The following MSI2 variants were observed in gnomAD, a reference collection of about 807,000 sequenced individuals.
MSI2 encodes the protein musashi RNA binding protein 2.
In MSI2, 17 loss-of-function variants were observed where a neutral mutation model predicts 45.6. The observed-to-expected ratio is 0.37, with a 90% confidence interval of 0.26 to 0.56. The LOEUF (loss-of-function observed/expected upper bound fraction) is 0.56. Among genes scored for constraint, MSI2 ranks in the 20% least tolerant of loss-of-function variants. MSI2 has a pLI of 0.77. For missense variants in MSI2, 293 were observed against 444.2 expected (o/e 0.66, Z 3.06); for synonymous variants, 156 against 158.2 (o/e 0.99, Z 0.11).
At chr17:57,401,340 C>T in intron 5 of MSI2, 39 bp from the exon 6 acceptor site, 5 of 1,546,912 alleles carry the variant, frequency 3.2e-6, no homozygotes, top group Non-Finnish European at 4.5e-6. Context: ...CTTTAGATAA[C>T]CTGGTTAACC....
chr17:57,569,000 CTTTTAAAAATT>C lies in MSI2; in HGVS notation c.455-27863_455-27853del, dbSNP rs573758017. Among the ~76,000 whole-genome samples, 91 of 151,682 alleles carry C rather than the reference CTTTTAAAAATT, an allele frequency of 6.0e-4. No individual in the cohort carries two copies. The South Asian group carries it at 7.7e-3, about 13-fold the overall frequency. ...GGGAGATTGTTTCCTGTTGTAGCCT[CTTTTAAAAATT>C]TTTTTGACTGTGTCTGGGAGATCAT... On this transcript the variant is annotated intron_variant, in intron 7 of 13. Coordinates refer to ENST00000284073, the MANE Select transcript of MSI2 (RefSeq NM_138962.4).
chr17:57,631,503 T>G lies in MSI2; in HGVS notation c.727+4200T>G. 5.7e-6 allele frequency: 2 copies of G among 353,084 alleles called. 1 individual carries two copies. The highest frequency in any genetic ancestry group is 1.0e-4 in the South Asian group (2 of 19,580). 21.9% of individuals were successfully genotyped at this position (353,084 alleles called of 1,614,324 possible). A position where few individuals can be genotyped will look rare whatever the true frequency, so the allele number is the denominator to read the frequency against. On this transcript the variant is annotated intron_variant, in intron 10 of 13. Coordinates refer to ENST00000284073, the MANE Select transcript of MSI2 (RefSeq NM_138962.4). The stretch of plus-strand genomic sequence containing the variant: ...AAGTGGCACCTGGCTGTGCCCATCT[T>G]CAGAATTCTGTCAGAATAAATGTTC...
intron 5 of MSI2, among the ~76,000 whole-genome samples, chr17:57,271,163 G>A (rs1908322136): frequency 6.6e-6 from 1 of 152,136 alleles, no homozygotes; most frequent in African/African-American, 2.4e-5. Context: ...TGACTGATCT[G>A]AAAGCATCAC....
Position 57,431,914 on chromosome 17 carries a change from G to T in MSI2, c.405+30443G>T, listed in dbSNP as rs578085395. On this transcript the variant is annotated intron_variant, in intron 6 of 13. Coordinates refer to ENST00000284073, the MANE Select transcript of MSI2 (RefSeq NM_138962.4). ...ACCCCCTTGCAGCACAGACTCCACC[G>T]GGCATTTGGCGGCGGTGTGGAATAT... Among the ~76,000 whole-genome samples, 4 of 152,140 alleles carry T rather than the reference G, an allele frequency of 2.6e-5. No homozygotes were observed. The East Asian group carries it at 5.8e-4, about 22-fold the overall frequency.
chr17:57,607,238 G>T (rs751940948), intron 8 of MSI2, among the ~76,000 whole-genome samples: 1 of 152,182 alleles, frequency 6.6e-6, no homozygotes, highest in Non-Finnish European at 1.5e-5. Context: ...TAAACAGTGC[G>T]TGCCTTCCTC....
chr17:57,459,854 C>T (rs2085189842), intron 6 of MSI2, among the ~76,000 whole-genome samples: 1 of 151,814 alleles, frequency 6.6e-6, no homozygotes, highest in South Asian at 2.1e-4. Flanking sequence ...ATTAGCCGGG[C>T]ACGGTGGCTC....
At chr17:57,518,889 G>A (rs1382373662) in intron 6 of MSI2, among the ~76,000 whole-genome samples, 3 of 152,250 alleles carry the variant, frequency 2.0e-5, no homozygotes, top group African/African-American at 7.2e-5. Context: ...TGTGACAGCT[G>A]TCAAGCCTGC....
intron 5 of MSI2, among the ~76,000 whole-genome samples, chr17:57,281,805 A>G (rs113625854): frequency 0.016 from 2,426 of 152,222 alleles, 61 homozygotes; most frequent in African/African-American, 0.055. Flanking sequence ...TTGACTGACA[A>G]CTGCCGAGGC....
chr17:57,549,369 G>A (rs147141759), intron 7 of MSI2, among the ~76,000 whole-genome samples: 224 of 150,304 alleles, frequency 1.5e-3, no homozygotes, highest in Non-Finnish European at 2.6e-3. Context: ...CCCAGCATGG[G>A]CTGCTGTCCG....
In MSI2 at chr17:57,529,665, T is replaced by C; in HGVS notation, c.406-11T>C. The C allele has an allele frequency of 6.2e-7, 1 of 1,612,498 alleles. No homozygotes were observed. ...TCCTAAGGCAGCCTGTATTCTATAT[T>C]TGTTTTGCAGGTGGAAGATGCAATG... On this transcript the variant is annotated splice_polypyrimidine_tract_variant and intron_variant, in intron 6 of 13. Coordinates refer to ENST00000284073, the MANE Select transcript of MSI2 (RefSeq NM_138962.4). This position sits in a 1 kb window ranked among gnomAD's most constrained non-coding sequence, Gnocchi z 5.3.
In MSI2 at chr17:57,683,058, C is replaced by G. The variant is rs1217211238; in HGVS notation, c.*3541C>G. ...GCGCTCTATCCCAGTCGCCCATTAGCTTGATTCAAACAAAGCCCCAGCAGG... is the reference window on the plus strand; with the variant it reads ...GCGCTCTATCCCAGTCGCCCATTAGGTTGATTCAAACAAAGCCCCAGCAGG... On this transcript the variant is annotated 3_prime_UTR_variant, in exon 14 of 14. Coordinates refer to ENST00000284073, the MANE Select transcript of MSI2 (RefSeq NM_138962.4). The surrounding 1 kb of genome is among the most constrained non-coding windows in gnomAD (Gnocchi z 5.2). 4.4e-6 allele frequency: 1 copy of G among 229,758 alleles called. No homozygotes were observed. Among genetic ancestry groups the G allele is most frequent in the Non-Finnish European group, 8.6e-6 (1 of 115,908 alleles). The allele number at this position is 229,758 out of a possible 1,614,324, so 14.2% of individuals were successfully genotyped here.
intron 6 of MSI2, among the ~76,000 whole-genome samples, chr17:57,422,632 C>T (rs1380518090): frequency 1.3e-5 from 2 of 152,234 alleles, no homozygotes; most frequent in Non-Finnish European, 2.9e-5. Context: ...ACTCCAGACC[C>T]ATGCTCATTC....
At chr17:57,666,931 G>T (rs1309291278) in intron 11 of MSI2, among the ~76,000 whole-genome samples, 5 of 152,348 alleles carry the variant, frequency 3.3e-5, no homozygotes, top group African/African-American at 1.2e-4. Context: ...TTTCAGGACT[G>T]AACTAGGAGA....
At chr17:57,495,835 C>T (rs1175659140) in intron 6 of MSI2, among the ~76,000 whole-genome samples, 1 of 152,230 alleles carries the variant, frequency 6.6e-6, no homozygotes, top group African/African-American at 2.4e-5. Context: ...AGATCGGCTG[C>T]TGTCATTTTT....
chr17:57,438,078 T>G (rs2084723358), intron 6 of MSI2, among the ~76,000 whole-genome samples: 2 of 152,190 alleles, frequency 1.3e-5, no homozygotes, highest in Non-Finnish European at 2.9e-5. Context: ...CTGAACATGT[T>G]TGGCCTTCTT....
chr17:57,549,358 G>A (rs2087251788), intron 7 of MSI2, among the ~76,000 whole-genome samples: 1 of 144,392 alleles, frequency 6.9e-6, no homozygotes, highest in Non-Finnish European at 1.5e-5. Flanking sequence ...GTTGCACAGT[G>A]CCCAGCATGG....
At chr17:57,677,887 A>G (rs574342169) in intron 13 of MSI2, among the ~76,000 whole-genome samples, 10 of 152,350 alleles carry the variant, frequency 6.6e-5, no homozygotes, top group African/African-American at 1.9e-4. Flanking sequence ...AACACCAGCA[A>G]GGGAGAGGGG....
At chr17:57,430,643 G>C (rs775846934) in intron 6 of MSI2, among the ~76,000 whole-genome samples, 4 of 152,252 alleles carry the variant, frequency 2.6e-5, no homozygotes, top group Non-Finnish European at 5.9e-5. Flanking sequence ...AGACTCCGGG[G>C]CTGCACTCAA....
chr17:57,619,890 T>C (rs1908127312), intron 9 of MSI2, among the ~76,000 whole-genome samples: 1 of 152,182 alleles, frequency 6.6e-6, no homozygotes, highest in Admixed American at 6.5e-5. Context: ...TAGGTAAAGA[T>C]ATTGTTGCAG....
Sources: gnomAD v4.1 joint callset for allele counts (sites outside exome capture counted in the v4.1 genomes callset) on GRCh38, gnomAD v4.1.1 for gene constraint, Gnocchi (gnomAD v3.1) non-coding constraint, MANE v1.5 for transcripts, NCBI Gene and HGNC (gene_info 2026-07-23, HGNC 2026-07-21) for gene names.